The following NADK2 variants were observed in gnomAD, a reference collection of about 807,000 sequenced individuals.
NADK2 encodes NAD kinase domain-containing protein 1, mitochondrial.
Under a neutral mutation model 62.1 loss-of-function variants are expected in NADK2, and 35 were observed. The ratio of observed to expected loss-of-function variants is 0.56; its 90% CI spans 0.43 to 0.75. The LOEUF is 0.75. NADK2 is among the 30% of genes least tolerant of loss of function. The pLI is 0.00. For synonymous variants in NADK2, 205 were observed against 207.9 expected, an observed-to-expected ratio of 0.99 and a Z score of 0.12; for missense variants, 439 against 561.3, an observed-to-expected ratio of 0.78 and a Z score of 2.20.
chr5:36,198,325 A>G (rs1029091240), intron 10 of NADK2, among the ~76,000 whole-genome samples: 1 of 151,994 alleles, frequency 6.6e-6, no homozygotes, highest in Non-Finnish European at 1.5e-5. Flanking sequence ...CTTATTTATA[A>G]AAGTTTCATT....
At position 36,194,485 on chromosome 5, in the gene NADK2, A is replaced by C. The variant is rs1177349488; in HGVS notation, c.*659T>G. On this transcript the variant is annotated 3_prime_UTR_variant, in exon 12 of 12. Coordinates refer to ENST00000381937, the MANE Select transcript of NADK2 (RefSeq NM_001085411.3). Reference sequence around the variant, plus strand: ...TAACAGCATCATGATTTGTTTTGCTATCTGTATTTCACCCAGAACTGCTGA... The same window carrying C: ...TAACAGCATCATGATTTGTTTTGCTCTCTGTATTTCACCCAGAACTGCTGA... The C allele has an allele frequency of 6.6e-6, 1 of 152,214 alleles. No individual in the cohort carries two copies. Among genetic ancestry groups the C allele is most frequent in the African/African-American group, 2.4e-5 (1 of 41,466 alleles). 9.4% of individuals were successfully genotyped at this position (152,214 alleles called of 1,614,324 possible). A position where few individuals can be genotyped will look rare whatever the true frequency, so the allele number is the denominator to read the frequency against.
chr5:36,198,692 AT>A (rs1746325166), intron 10 of NADK2, among the ~76,000 whole-genome samples: 1 of 149,898 alleles, frequency 6.7e-6, no homozygotes, highest in South Asian at 2.1e-4. Context: ...TTTAAGTTGA[AT>A]TATATAATTA....
chr5:36,206,060 G>GC (rs1746622990), intron 8 of NADK2, among the ~76,000 whole-genome samples: 1 of 151,948 alleles, frequency 6.6e-6, no homozygotes, highest in South Asian at 2.1e-4. Context: ...ACCAAACACC[G>GC]CATGTTCTCA....
At chr5:36,204,776 AATGAT>A (rs1015142156) in intron 8 of NADK2, among the ~76,000 whole-genome samples, 2 of 152,078 alleles carry the variant, frequency 1.3e-5, no homozygotes, top group South Asian at 2.1e-4. Context: ...TTATGAATTA[AATGAT>A]ATGATATCTG....
intron 11 of NADK2, among the ~76,000 whole-genome samples, chr5:36,196,508 T>C (rs1746238571): frequency 6.6e-6 from 1 of 152,154 alleles, no homozygotes; most frequent in African/African-American, 2.4e-5. Flanking sequence ...AACTTTTATA[T>C]ACTAAATATT....
chr5:36,219,000 T>C (rs1051512790), intron 5 of NADK2, among the ~76,000 whole-genome samples: 1 of 152,222 alleles, frequency 6.6e-6, no homozygotes, highest in East Asian at 1.9e-4. Flanking sequence ...AGTAGAGACA[T>C]GCCTGCTATC....
At chr5:36,197,193 GT>G (rs1305675151) in intron 11 of NADK2, among the ~76,000 whole-genome samples, 2 of 151,918 alleles carry the variant, frequency 1.3e-5, no homozygotes, top group Non-Finnish European at 2.9e-5. Context: ...TGTTTATTGT[GT>G]TTTTATTCTA....
chr5:36,224,573 AAAGAAAGAAAGC>A (rs1747409377), intron 4 of NADK2, among the ~76,000 whole-genome samples: 1 of 151,226 alleles, frequency 6.6e-6, no homozygotes, highest in Non-Finnish European at 1.5e-5. Flanking sequence ...AAAAAAAAAG[AAAGAAAGAAAGC>A]AAGAAAGAAA....
intron 1 of NADK2, among the ~76,000 whole-genome samples, chr5:36,228,040 A>T (rs1747549820): frequency 6.6e-6 from 1 of 152,046 alleles, no homozygotes; most frequent in Non-Finnish European, 1.5e-5. Flanking sequence ...AGGCGGTTAG[A>T]TGACCTTTGT....
chr5:36,200,393 A>ACAC, intron 9 of NADK2, 113 bp from the exon 10 acceptor site: 1 of 438,556 alleles, frequency 2.3e-6, no homozygotes, highest in Non-Finnish European at 3.6e-6. Flanking sequence ...TTATATATAT[A>ACAC]TATGTTATTA....
chr5:36,221,983 A>G (rs1049505732), intron 4 of NADK2: 2 of 151,984 alleles, frequency 1.3e-5, no homozygotes, highest in African/African-American at 4.8e-5. Flanking sequence ...TCACTGAATC[A>G]ATCATTCATT....
chr5:36,222,675 A>C (rs1326537553), intron 4 of NADK2, among the ~76,000 whole-genome samples: 1 of 152,220 alleles, frequency 6.6e-6, no homozygotes, highest in Non-Finnish European at 1.5e-5. Flanking sequence ...TAGAAAGAAG[A>C]CTAAGGCAAT....
At chr5:36,236,338 A>T (rs928654187) in intron 1 of NADK2, among the ~76,000 whole-genome samples, 1 of 152,242 alleles carries the variant, frequency 6.6e-6, no homozygotes, top group East Asian at 1.9e-4. Context: ...AAGGGAGTAT[A>T]CCTTAAACCT....
chr5:36,204,887 A>G (rs1169049047), intron 8 of NADK2, among the ~76,000 whole-genome samples: 1 of 152,048 alleles, frequency 6.6e-6, no homozygotes, highest in Non-Finnish European at 1.5e-5. Flanking sequence ...AGCTAATGGT[A>G]TGTGGGGATT....
chr5:36,209,794 C>T (rs1402748577), intron 7 of NADK2, among the ~76,000 whole-genome samples: 1 of 152,024 alleles, frequency 6.6e-6, no homozygotes, highest in Non-Finnish European at 1.5e-5. Flanking sequence ...AATTAAGATA[C>T]CACTATCTTT....
rs923134181 is a variant in NADK2, at chr5:36,241,912, C to T, written c.-114G>A. On this transcript the variant is annotated 5_prime_UTR_variant, in exon 1 of 12. Transcript: ENST00000381937. The surrounding 1 kb of genome is among the most constrained non-coding windows in gnomAD (Gnocchi z 4.9). ...GGCCTCTAACTTCGCGCCGGACGGGCAGAGGTTAAGTGCCAGGACGTGCGT... is the reference window on the plus strand; with the variant it reads ...GGCCTCTAACTTCGCGCCGGACGGGTAGAGGTTAAGTGCCAGGACGTGCGT... 4 of 919,210 alleles carry T rather than the reference C, an allele frequency of 4.4e-6. No individual in the cohort carries two copies. The highest frequency in any genetic ancestry group is 5.3e-6 in the Non-Finnish European group (4 of 749,398). 56.9% of individuals were successfully genotyped at this position (919,210 alleles called of 1,614,324 possible).
chr5:36,225,639 C>T lies in NADK2; in HGVS notation c.479-16G>A, dbSNP rs753344612. On this transcript the variant is annotated splice_polypyrimidine_tract_variant and intron_variant, in intron 3 of 11. Transcript: ENST00000381937. ...GTGCCATCACCTAAGGAACATAAGACAAAATACAAGACATAACCAAATTTC... is the reference window on the plus strand; with the variant it reads ...GTGCCATCACCTAAGGAACATAAGATAAAATACAAGACATAACCAAATTTC... 3.1e-6 allele frequency: 5 copies of T among 1,604,688 alleles called. No individual in the cohort carries two copies. The highest frequency in any genetic ancestry group is 1.3e-5 in the African/African-American group (1 of 74,372).
chr5:36,220,612 A>C (rs924593560), intron 4 of NADK2, among the ~76,000 whole-genome samples: 2 of 152,238 alleles, frequency 1.3e-5, no homozygotes, highest in Admixed American at 6.5e-5. Context: ...CTAGGTTTTT[A>C]AATTTTTATA....
At chr5:36,197,377 A>G (rs1746267455) in intron 11 of NADK2, among the ~76,000 whole-genome samples, 164 bp downstream of exon 11, 1 of 152,108 alleles carries the variant, frequency 6.6e-6, no homozygotes, top group Non-Finnish European at 1.5e-5. Context: ...ATATGATTTT[A>G]GCCGGGTTAG....
Sources: gnomAD v4.1 joint callset for allele counts (sites outside exome capture counted in the v4.1 genomes callset) on GRCh38, gnomAD v4.1.1 for gene constraint, Gnocchi (gnomAD v3.1) non-coding constraint, MANE v1.5 for transcripts, NCBI Gene and HGNC (gene_info 2026-07-23, HGNC 2026-07-21) for gene names.